Variants in SGPP2 observed in about 807,000 individuals in gnomAD.
The protein encoded by SGPP2 is sphingosine 1-phosphate phosphohydrolase 2.
SGPP2 carries 30 observed loss-of-function variants against 33.9 expected under a neutral mutation model. The ratio of observed to expected loss-of-function variants is 0.89; its 90% CI spans 0.66 to 1.20. SGPP2 has a LOEUF of 1.20. Ranked by LOEUF, SGPP2 falls within the 50% of genes most tolerant of loss-of-function variation. The pLI, the probability that SGPP2 is intolerant of heterozygous loss-of-function variation, is 0.00. For missense variants in SGPP2, 458 were observed against 532.1 expected (o/e 0.86, Z 1.37); for synonymous variants, 233 against 225.0 (o/e 1.04, Z -0.32).
chr2:222,538,054 A>T (rs1698939730), intron 4 of SGPP2, among the ~76,000 whole-genome samples: 1 of 152,232 alleles, frequency 6.6e-6, no homozygotes, highest in Non-Finnish European at 1.5e-5. Flanking sequence ...ATTATTCTAA[A>T]TGGAAGAAGC....
Position 222,500,090 on chromosome 2 carries a change from C to T in SGPP2, c.379-21677C>T, listed in dbSNP as rs142634397. Reference sequence around the variant, plus strand: ...GTGTTCATCCCAGAGGTATGACAGCCACCACCTGTGCTTCCAGGCTTGGAT... The same window carrying T: ...GTGTTCATCCCAGAGGTATGACAGCTACCACCTGTGCTTCCAGGCTTGGAT... On this transcript the variant is annotated intron_variant, in intron 2 of 4. Transcript: ENST00000321276. Among the ~76,000 whole-genome samples the T allele has an allele frequency of 2.1e-3, 320 of 152,300 alleles. 1 individual carries two copies. The highest frequency in any genetic ancestry group is 7.2e-3 in the African/African-American group (300 of 41,550).
At chr2:222,437,366 G>A (rs531204167) in intron 1 of SGPP2, among the ~76,000 whole-genome samples, 4 of 152,312 alleles carry the variant, frequency 2.6e-5, no homozygotes, top group African/African-American at 7.2e-5. Flanking sequence ...TCCCTTCACC[G>A]CTGTCCTTCA....
At chr2:222,493,850 C>T (rs1032728069) in intron 2 of SGPP2, among the ~76,000 whole-genome samples, 2 of 152,102 alleles carry the variant, frequency 1.3e-5, no homozygotes, top group African/African-American at 2.4e-5. Flanking sequence ...GCCCAACAGA[C>T]CAAACCAAAA....
At chr2:222,520,738 A>ACC in intron 2 of SGPP2, among the ~76,000 whole-genome samples, 1 of 15,606 alleles carries the variant, frequency 6.4e-5, no homozygotes, top group African/African-American at 7.8e-5. Context: ...AAAAAAAAAA[A>ACC]AAAAAAACCC....
chr2:222,445,595 C>T (rs934407481), intron 1 of SGPP2, among the ~76,000 whole-genome samples: 1 of 152,088 alleles, frequency 6.6e-6, no homozygotes, highest in Non-Finnish European at 1.5e-5. Context: ...CTAGGATGAC[C>T]CCGTCTAATG....
At chr2:222,548,328 A>G (rs752018792) in intron 4 of SGPP2, among the ~76,000 whole-genome samples, 1 of 152,226 alleles carries the variant, frequency 6.6e-6, no homozygotes, top group Non-Finnish European at 1.5e-5. Context: ...TAAAAATGTC[A>G]ATTTCAACTG....
intron 1 of SGPP2, among the ~76,000 whole-genome samples, chr2:222,428,250 G>T (rs567429504): frequency 1.3e-5 from 2 of 152,256 alleles, no homozygotes; most frequent in African/African-American, 4.8e-5. Flanking sequence ...GCCATTTTTG[G>T]TTATTGCTTT....
rs191955732 is a variant in SGPP2, at chr2:222,465,847, C to T, written c.220-8721C>T. Among the ~76,000 whole-genome samples, 2 of 152,290 alleles carry T rather than the reference C, an allele frequency of 1.3e-5. No homozygotes were observed. Among genetic ancestry groups the T allele is most frequent in the African/African-American group, 2.4e-5 (1 of 41,570 alleles). The stretch of plus-strand genomic sequence containing the variant: ...TGGGGCCTTTCACTAAGTGTTCTCT[C>T]TCTGACCCGCAGACCCTCAAAGAAG... On this transcript the variant is annotated intron_variant, in intron 1 of 4. Coordinates refer to ENST00000321276, the MANE Select transcript of SGPP2 (RefSeq NM_152386.4). This position sits in a 1 kb window ranked among gnomAD's most constrained non-coding sequence, Gnocchi z 4.1.
At chr2:222,522,640 TAA>T (rs1698702936) in intron 3 of SGPP2, among the ~76,000 whole-genome samples, 4 of 152,234 alleles carry the variant, frequency 2.6e-5, no homozygotes, top group Admixed American at 2.6e-4. Flanking sequence ...TTTAATTTTA[TAA>T]GTGTTATCTT....
At chr2:222,480,528 A>G (rs1295748488) in intron 2 of SGPP2, among the ~76,000 whole-genome samples, 1 of 152,236 alleles carries the variant, frequency 6.6e-6, no homozygotes, top group East Asian at 1.9e-4. Flanking sequence ...CCACAGATTC[A>G]TATTTGAGCT....
intron 1 of SGPP2, among the ~76,000 whole-genome samples, chr2:222,474,334 C>T (rs1697896559): frequency 6.6e-6 from 1 of 152,164 alleles, no homozygotes; most frequent in Non-Finnish European, 1.5e-5. Flanking sequence ...GTGTCTTCTC[C>T]TGGTACTTCT....
chr2:222,459,678 A>G (rs1249813192), intron 1 of SGPP2, among the ~76,000 whole-genome samples: 1 of 152,174 alleles, frequency 6.6e-6, no homozygotes. Flanking sequence ...AGAGATGGGC[A>G]GTGGGCAGAG....
chr2:222,495,031 C>CAAACAA (rs145461047), intron 2 of SGPP2, among the ~76,000 whole-genome samples: 5,358 of 151,742 alleles, frequency 0.035, 131 homozygotes, highest in South Asian at 0.064. Flanking sequence ...GACTCTGTCT[C>CAAACAA]AAACAAAAAC....
chr2:222,426,677 T>A (rs1465859620), intron 1 of SGPP2, among the ~76,000 whole-genome samples: 3 of 152,210 alleles, frequency 2.0e-5, no homozygotes, highest in Non-Finnish European at 4.4e-5. Context: ...AATCATTGTG[T>A]TGGTATATAA....
chr2:222,527,248 G>C lies in SGPP2; in HGVS notation c.648+2215G>C, dbSNP rs964074279. Among the ~76,000 whole-genome samples the C allele has an allele frequency of 5.3e-4, 81 of 152,240 alleles. 1 individual carries two copies. The highest frequency in any genetic ancestry group is 3.4e-3 in the Middle Eastern group (1 of 294). On this transcript the variant is annotated intron_variant, in intron 4 of 4. Transcript: ENST00000321276. ...GCAGTTGCACACTTAGTAGACAACA[G>C]AATAGTGTAAACATTTTTATATGCA...
intron 1 of SGPP2, among the ~76,000 whole-genome samples, chr2:222,461,418 C>T (rs115822764): frequency 0.019 from 2,933 of 152,196 alleles, 89 homozygotes; most frequent in African/African-American, 0.067. Flanking sequence ...TCATGGAAGA[C>T]GATTTTCCCA....
chr2:222,555,971 G>A (rs139312923), intron 4 of SGPP2, among the ~76,000 whole-genome samples: 21 of 152,310 alleles, frequency 1.4e-4, no homozygotes, highest in African/African-American at 3.4e-4. Context: ...AATTCAGTGC[G>A]TTGATTGGCC....
chr2:222,501,721 G>A (rs751839180), intron 2 of SGPP2, among the ~76,000 whole-genome samples: 4 of 152,094 alleles, frequency 2.6e-5, no homozygotes, highest in African/African-American at 4.8e-5. Flanking sequence ...TACTCTCTGA[G>A]GCTAGATCTC....
Position 222,558,647 on chromosome 2 carries a change from A to G in SGPP2, c.949A>G (p.Thr317Ala), listed in dbSNP as rs759114961. Residue 317 changes from threonine (T) to alanine (A), a missense_variant, in exon 5 of 5, where the codon ACC becomes GCC. Transcript: ENST00000321276. The stretch of plus-strand genomic sequence containing the variant: ...TGTTATTCAGAACATCCCACCACTC[A>G]CCACCTACATGTTAGTTTTGGGTCT... ...LPVIQNIPPLTTYMLVLGLTK... is the reference protein window; with the variant it reads ...LPVIQNIPPLATYMLVLGLTK... 7 of 1,614,060 alleles carry G rather than the reference A, an allele frequency of 4.3e-6. No homozygotes were observed. The highest frequency in any genetic ancestry group is 5.9e-6 in the Non-Finnish European group (7 of 1,180,014).
Sources: gnomAD v4.1 joint callset for allele counts (sites outside exome capture counted in the v4.1 genomes callset) on GRCh38, gnomAD v4.1.1 for gene constraint, Gnocchi (gnomAD v3.1) non-coding constraint, MANE v1.5 for transcripts, NCBI Gene and HGNC (gene_info 2026-07-23, HGNC 2026-07-21) for gene names.